PDE4D: variants seen among roughly 807,000 people sequenced by gnomAD.
The protein encoded by PDE4D is phosphodiesterase 4D.
A neutral mutation model predicts 87.4 loss-of-function variants in PDE4D; 24 were observed. The observed-to-expected ratio is 0.27, with a 90% CI of 0.20 to 0.39. The LOEUF (loss-of-function observed/expected upper bound fraction) is 0.39, where lower values mean the gene tolerates loss of function less well. Among genes scored for constraint, PDE4D ranks in the 10% least tolerant of loss-of-function variants. The pLI is 1.00. For missense variants in PDE4D, 714 were observed against 1,041.0 expected (o/e 0.69, Z 4.32); for synonymous variants, 384 against 383.2 (o/e 1.00, Z -0.02).
chr5:59,521,514 T>C (rs908165240), intron 1 of PDE4D, among the ~76,000 whole-genome samples: 4 of 152,218 alleles, frequency 2.6e-5, no homozygotes, highest in African/African-American at 9.6e-5. Context: ...CACAGCTTTC[T>C]AATTGGCCTT....
rs765350216 is a variant in PDE4D at position 58,991,964 on chromosome 5, C to T, written c.1056G>A (p.Lys352=). The change falls in exon 8 of 15, where the codon AAG becomes AAA. Residue 352 remains lysine, a synonymous_variant. Coordinates refer to ENST00000340635, the MANE Select transcript of PDE4D (RefSeq NM_001104631.2). ...TTGGTCTTTTCTTTTTCTCCTTTTCCTTCTGAGTTGGAGAAGGAATTTCCA... is the reference window on the plus strand; with the variant it reads ...TTGGTCTTTTCTTTTTCTCCTTTTCTTTCTGAGTTGGAGAAGGAATTTCCA... The part of the protein sequence containing the change: ...HEVEIPSPTQ[K]EKEKKKRPMS... The T allele has an allele frequency of 1.9e-5, 30 of 1,594,354 alleles. No homozygotes were observed. In the African/African-American group the frequency reaches 3.8e-4, roughly 20 times the overall value.
At chr5:59,110,344 T>C (rs1174543364) in intron 5 of PDE4D, among the ~76,000 whole-genome samples, 3 of 152,196 alleles carry the variant, frequency 2.0e-5, no homozygotes, top group Admixed American at 6.5e-5. Context: ...TGTAAGGACC[T>C]GTCTGGGTAA....
intron 1 of PDE4D, among the ~76,000 whole-genome samples, chr5:60,385,877 T>C (rs976841297): frequency 2.0e-5 from 3 of 152,128 alleles, no homozygotes; most frequent in African/African-American, 7.2e-5. Flanking sequence ...CTTCCCTCAA[T>C]TCCTTGTACC....
chr5:59,914,571 C>CGTGT (rs35285881), intron 3 of PDE4D, among the ~76,000 whole-genome samples: 5 of 130,814 alleles, frequency 3.8e-5, no homozygotes, highest in African/African-American at 8.2e-5. Context: ...TGTGCATGTG[C>CGTGT]GTGTGTGTGT....
intron 1 of PDE4D, among the ~76,000 whole-genome samples, chr5:59,843,886 C>T (rs538029973): frequency 6.6e-6 from 1 of 152,096 alleles, no homozygotes; most frequent in South Asian, 2.1e-4. Flanking sequence ...AATTTTGCTC[C>T]CCTCAATTTT....
At chr5:59,766,211 C>T (rs1194351010) in intron 1 of PDE4D, among the ~76,000 whole-genome samples, 1 of 152,188 alleles carries the variant, frequency 6.6e-6, no homozygotes, top group African/African-American at 2.4e-5. Flanking sequence ...ATATGGAAAA[C>T]TTGAGATACT....
intron 1 of PDE4D, among the ~76,000 whole-genome samples, chr5:59,650,249 A>G (rs939001314): frequency 3.3e-5 from 5 of 152,092 alleles, no homozygotes; most frequent in African/African-American, 9.7e-5. Flanking sequence ...GTTCAATTTA[A>G]AACACCTTTT....
intron 1 of PDE4D, among the ~76,000 whole-genome samples, chr5:60,419,407 T>C (rs1742899660): frequency 6.6e-6 from 1 of 151,886 alleles, no homozygotes. Context: ...ATGCTATCAT[T>C]TATGTGAGGA....
chr5:60,229,420 G>C (rs781700020), intron 1 of PDE4D, among the ~76,000 whole-genome samples: 6 of 152,090 alleles, frequency 3.9e-5, no homozygotes, highest in Non-Finnish European at 7.4e-5. Flanking sequence ...TTTATCCTGA[G>C]ATTAGCCTAA....
intron 4 of PDE4D, among the ~76,000 whole-genome samples, chr5:59,181,736 A>G (rs181743751): frequency 2.6e-5 from 4 of 152,098 alleles, no homozygotes; most frequent in African/African-American, 9.6e-5. Context: ...CATTTTACCA[A>G]TGAGAAAAAC....
chr5:59,226,472 G>A lies in PDE4D; in HGVS notation c.456-10504C>T, dbSNP rs563895908. Among the ~76,000 whole-genome samples the A allele has an allele frequency of 2.5e-3, 377 of 152,246 alleles. 2 individuals are homozygous for A. The highest frequency in any genetic ancestry group is 0.019 in the South Asian group (91 of 4,828). ...AACTCATAGAAGCAGGAAGTAGCATGGTGGTTGCTGGGCCTGGGTGGAGGG... is the reference window on the plus strand; with the variant it reads ...AACTCATAGAAGCAGGAAGTAGCATAGTGGTTGCTGGGCCTGGGTGGAGGG... On this transcript the variant is annotated intron_variant, in intron 1 of 14. Coordinates refer to ENST00000340635, the MANE Select transcript of PDE4D (RefSeq NM_001104631.2).
intron 2 of PDE4D, among the ~76,000 whole-genome samples, chr5:60,135,250 C>T (rs1386959383): frequency 2.0e-5 from 3 of 152,208 alleles, no homozygotes; most frequent in African/African-American, 7.2e-5. Flanking sequence ...GACATCAAAT[C>T]TTCTGGCACC....
intron 3 of PDE4D, among the ~76,000 whole-genome samples, chr5:59,185,762 T>C (rs533285265): frequency 1.3e-5 from 2 of 152,218 alleles, no homozygotes; most frequent in Non-Finnish European, 2.9e-5. Flanking sequence ...TAAGCAGACA[T>C]TGTTTTCTTT....
rs2153289670 is a variant in PDE4D, at chr5:58,970,698, G to A, written c.*3966C>T. ...TTATCTTAGTGGAAGAAAAATTTTAGGATTAAAAAACAGTATTTTCTCTTT... is the reference window on the plus strand; with the variant it reads ...TTATCTTAGTGGAAGAAAAATTTTAAGATTAAAAAACAGTATTTTCTCTTT... On this transcript the variant is annotated 3_prime_UTR_variant, in exon 15 of 15. Transcript: ENST00000340635. 6.6e-6 allele frequency: 1 copy of A among 152,042 alleles called. No homozygotes were observed. Among genetic ancestry groups the A allele is most frequent in the African/African-American group, 2.4e-5 (1 of 41,498 alleles). 9.4% of individuals were successfully genotyped at this position (152,042 alleles called of 1,614,324 possible). A position where few individuals can be genotyped will look rare whatever the true frequency, so the allele number is the denominator to read the frequency against.
At chr5:60,121,588 C>A (rs1562120600) in intron 2 of PDE4D, among the ~76,000 whole-genome samples, 1 of 152,046 alleles carries the variant, frequency 6.6e-6, no homozygotes, top group African/African-American at 2.4e-5. Context: ...TTCACGACCA[C>A]GAGAACAGTG....
chr5:60,294,153 G>A (rs1035110499), intron 1 of PDE4D, among the ~76,000 whole-genome samples: 3 of 152,110 alleles, frequency 2.0e-5, no homozygotes, highest in African/African-American at 7.2e-5. Context: ...ATTTCTTTGT[G>A]GTTGTAAATG....
intron 1 of PDE4D, among the ~76,000 whole-genome samples, chr5:59,773,693 A>G (rs1408852117): frequency 6.6e-6 from 1 of 152,130 alleles, no homozygotes; most frequent in Non-Finnish European, 1.5e-5. Context: ...AAATTATTTT[A>G]TCTTAAATTT....
At chr5:60,194,352 C>T (rs1423989191) in intron 1 of PDE4D, among the ~76,000 whole-genome samples, 1 of 151,720 alleles carries the variant, frequency 6.6e-6, no homozygotes, top group Non-Finnish European at 1.5e-5. Context: ...ATCCCTCTTC[C>T]TCTGTCTTCT....
intron 5 of PDE4D, among the ~76,000 whole-genome samples, chr5:59,156,320 A>ATAT (rs1554082852): frequency 0.032 from 2,592 of 81,550 alleles, 68 homozygotes; most frequent in Middle Eastern, 0.052. Flanking sequence ...AAAAAAAAAA[A>ATAT]ATATATATAT....
Sources: gnomAD v4.1 joint callset for allele counts (sites outside exome capture counted in the v4.1 genomes callset) on GRCh38, gnomAD v4.1.1 for gene constraint, MANE v1.5 for transcripts, NCBI Gene and HGNC (gene_info 2026-07-23, HGNC 2026-07-21) for gene names.